KLHDC2: variants seen among roughly 807,000 people sequenced by gnomAD.
KLHDC2 encodes the protein kelch domain containing 2.
A neutral mutation model predicts 62.3 loss-of-function variants in KLHDC2; 38 were observed. The ratio of observed to expected loss-of-function variants is 0.61; its 90% confidence interval spans 0.47 to 0.80. The LOEUF (loss-of-function observed/expected upper bound fraction) is 0.80. KLHDC2 is among the 30% of genes least tolerant of loss of function. KLHDC2 has a pLI of 0.00. For missense variants in KLHDC2, 430 were observed against 495.3 expected (o/e 0.87, Z 1.25); for synonymous variants, 159 against 161.0 (o/e 0.99, Z 0.09).
Position 49,782,937 on chromosome 14 carries a change from A to G in KLHDC2, c.1205A>G (p.Asn402Ser). The G allele has an allele frequency of 6.2e-7, 1 of 1,613,416 alleles. No individual in the cohort carries two copies. Among genetic ancestry groups the G allele is most frequent in the Non-Finnish European group, 8.5e-7 (1 of 1,179,714 alleles). The stretch of plus-strand genomic sequence containing the variant: ...GTTAATCAGAGGTTTGGTAGTAACA[A>G]CACTTCTGGATCTTAAGGCTTCATA... ...HSVNQRFGSNNTSGS is the reference protein window; with the variant it reads ...HSVNQRFGSNSTSGS The change falls in exon 13 of 13, where the codon AAC becomes AGC. Residue 402 changes from asparagine (N) to serine (S), a missense_variant. Asn to Ser is a conservative substitution (Grantham distance 46). Transcript: ENST00000298307.
intron 4 of KLHDC2, 93 bp downstream of exon 4, chr14:49,778,047 C>A: frequency 1.1e-6 from 1 of 900,470 alleles, no homozygotes; most frequent in Non-Finnish European, 1.8e-6. Flanking sequence ...ACAGAACATA[C>A]CTCATAGGGC....
At chr14:49,775,002 C>G (rs1889741736) in intron 3 of KLHDC2, 1 of 267,014 alleles carries the variant, frequency 3.7e-6, no homozygotes, top group African/African-American at 2.3e-5. Flanking sequence ...AAAATGAAGA[C>G]AAGATGTAAT....
chr14:49,782,063 G>T, intron 10 of KLHDC2: 1 of 285,528 alleles, frequency 3.5e-6, no homozygotes. Context: ...TATGGAAGAA[G>T]AAGGCATATA....
intron 10 of KLHDC2, among the ~76,000 whole-genome samples, chr14:49,781,872 C>G (rs182144990): frequency 1.6e-3 from 248 of 152,290 alleles, no homozygotes; most frequent in African/African-American, 5.7e-3. Flanking sequence ...AGTCAAAATT[C>G]ATGTTCAAAG....
Position 49,782,402 on chromosome 14 carries a change from GAGAAGTAATTGTTTTTGGT to G in KLHDC2, c.990_1008del (p.Glu331AspfsTer19). 1 of 1,612,564 alleles carries G rather than the reference GAGAAGTAATTGTTTTTGGT, an allele frequency of 6.2e-7. No individual in the cohort carries two copies. The highest frequency in any genetic ancestry group is 8.5e-7 in the Non-Finnish European group (1 of 1,178,688). ...CACACAGCTTGTGCCAGCGATGAAG[GAGAAGTAATTGTTTTTGGT>G]GGATGTGCCAACAACTTGCTTGTCC... is the stretch of plus-strand genomic sequence containing the variant. On this transcript the variant is annotated frameshift_variant, in exon 11 of 13. Coordinates refer to ENST00000298307, the MANE Select transcript of KLHDC2 (RefSeq NM_014315.3). LOFTEE classifies it high-confidence loss of function.
chr14:49,770,117 G>A lies in KLHDC2; in HGVS notation c.154-1477G>A, dbSNP rs1399011483. 2.0e-5 allele frequency among the ~76,000 whole-genome samples: 3 copies of A among 152,224 alleles called. No individual in the cohort carries two copies. In the East Asian group the frequency reaches 5.8e-4, roughly 29 times the overall value. On this transcript the variant is annotated intron_variant, in intron 1 of 12. Transcript: ENST00000298307. ...GACAGCATGAGAGAATAAGACTTTGGGAGTGGGGCAGGGGAGGATTCTTAG... is the reference window on the plus strand; with the variant it reads ...GACAGCATGAGAGAATAAGACTTTGAGAGTGGGGCAGGGGAGGATTCTTAG...
chr14:49,771,110 A>G (rs577616069), intron 1 of KLHDC2, among the ~76,000 whole-genome samples: 5 of 151,776 alleles, frequency 3.3e-5, no homozygotes, highest in Admixed American at 2.6e-4. Context: ...GCACTTTGGG[A>G]GGCTGAGGTG....
At position 49,768,211 on chromosome 14, in the gene KLHDC2, T is replaced by G. The variant is rs1001548919; in HGVS notation, c.-258T>G. ...GACCGCTTCCCTGCAGTGCCCCGAGTCCCGGGCCCGCGCCGCCGCCGCCCG... is the reference window on the plus strand; with the variant it reads ...GACCGCTTCCCTGCAGTGCCCCGAGGCCCGGGCCCGCGCCGCCGCCGCCCG... On this transcript the variant is annotated 5_prime_UTR_variant, in exon 1 of 13. Coordinates refer to ENST00000298307, the MANE Select transcript of KLHDC2 (RefSeq NM_014315.3). The G allele has an allele frequency of 3.9e-5, 13 of 332,288 alleles. No individual in the cohort carries two copies. The Admixed American group carries it at 5.1e-4, about 13-fold the overall frequency. The allele number at this position is 332,288 out of a possible 1,614,324, so 20.6% of individuals were successfully genotyped here.
intron 1 of KLHDC2, among the ~76,000 whole-genome samples, chr14:49,769,285 C>T (rs1272500834): frequency 6.6e-6 from 1 of 152,210 alleles, no homozygotes; most frequent in East Asian, 1.9e-4. Context: ...CTCCGATCCC[C>T]TGGTTATAAA....
At chr14:49,778,350 G>A in intron 5 of KLHDC2, 61 bp from the exon 6 acceptor site, 4 of 1,324,904 alleles carry the variant, frequency 3.0e-6, no homozygotes, top group Middle Eastern at 2.0e-4. Flanking sequence ...TGGTAATCAG[G>A]CAGGCTGTCT....
At chr14:49,777,578 A>T (rs562555151) in intron 3 of KLHDC2, among the ~76,000 whole-genome samples, 7 of 147,188 alleles carry the variant, frequency 4.8e-5, no homozygotes, top group African/African-American at 1.7e-4. Context: ...GGCAAGAGAG[A>T]CCCTGTCTCT....
chr14:49,771,695 G>A, intron 2 of KLHDC2, 22 bp downstream of exon 2: 1 of 1,257,638 alleles, frequency 8.0e-7, no homozygotes, highest in Non-Finnish European at 1.2e-6. Flanking sequence ...TATTATAAGG[G>A]GGACTAAAAA....
At chr14:49,780,618 A>G (rs1594705502) in intron 9 of KLHDC2, 85 bp from the exon 10 acceptor site, 3 of 935,630 alleles carry the variant, frequency 3.2e-6, no homozygotes, top group East Asian at 4.8e-5. Flanking sequence ...CTCATGATCT[A>G]TTACCTTTCT....
Position 49,777,929 on chromosome 14 carries a change from C to T in KLHDC2, c.442C>T (p.Leu148Phe), listed in dbSNP as rs778374018. 3 of 1,609,630 alleles carry T rather than the reference C, an allele frequency of 1.9e-6. No homozygotes were observed. Among genetic ancestry groups the T allele is most frequent in the South Asian group, 2.2e-5 (2 of 90,794 alleles). The change falls in exon 4 of 13, where the codon CTT becomes TTT. Residue 148 changes from leucine (L) to phenylalanine (F), a missense_variant. By Grantham distance (22) the Leu-to-Phe change is conservative. Coordinates refer to ENST00000298307, the MANE Select transcript of KLHDC2 (RefSeq NM_014315.3). Reference sequence around the variant, plus strand: ...AATTCCTCCATCATCAAAGGACAAACTTGGTGTCTGGGTATATAAAAACAA... The same window carrying T: ...AATTCCTCCATCATCAAAGGACAAATTTGGTGTCTGGGTATATAAAAACAA... Reference protein sequence around the residue: ...QGIPPSSKDKLGVWVYKNKLI... With the variant: ...QGIPPSSKDKFGVWVYKNKLI...
intron 2 of KLHDC2, 108 bp downstream of exon 2, chr14:49,771,781 T>C: frequency 1.6e-6 from 1 of 615,572 alleles, no homozygotes. Context: ...CGCGGGCGGA[T>C]CTCTCGAGGT....
chr14:49,778,091 G>A, intron 4 of KLHDC2, 87 bp from the exon 5 acceptor site: 1 of 960,648 alleles, frequency 1.0e-6, no homozygotes, highest in South Asian at 1.4e-5. Context: ...ATACATGAAA[G>A]CATTTAACAC....
At position 49,779,533 on chromosome 14, in the gene KLHDC2, T is replaced by C. The variant is rs1327280134; in HGVS notation, c.634-62T>C. 5 of 1,243,416 alleles carry C rather than the reference T, an allele frequency of 4.0e-6. No individual in the cohort carries two copies. In the African/African-American group the frequency reaches 7.4e-5, roughly 18 times the overall value. 77.0% of individuals were successfully genotyped at this position (1,243,416 alleles called of 1,614,324 possible). On this transcript the variant is annotated intron_variant, in intron 6 of 12. Transcript: ENST00000298307. ...ACATATTCTTATCCCATATCCAGAG[T>C]AGACATAGGTATTTTCCCTGTTTAT...
rs757967378 is a variant in KLHDC2 at position 49,778,202 on chromosome 14, A to G, written c.492A>G (p.Gly164=). ...GGTTAATATTTTTTGGAGGGTATGG[A>G]TATTTGCCTGAAGATAAAGTATTGG... The part of the protein sequence containing the change: ...KNKLIFFGGY[G]YLPEDKVLGT... Residue 164 remains glycine, a synonymous_variant, in exon 5 of 13, where the codon GGA becomes GGG. Transcript: ENST00000298307. 5 of 1,607,844 alleles carry G rather than the reference A, an allele frequency of 3.1e-6. No homozygotes were observed. Among genetic ancestry groups the G allele is most frequent in the Non-Finnish European group, 4.2e-6 (5 of 1,177,030 alleles).
At chr14:49,773,470 A>C (rs1437240282) in intron 2 of KLHDC2, among the ~76,000 whole-genome samples, 1 of 150,604 alleles carries the variant, frequency 6.6e-6, no homozygotes, top group African/African-American at 2.4e-5. Flanking sequence ...CTGTAATCCT[A>C]GCACTTTGGG....
Sources: allele counts gnomAD v4.1 joint callset (sites outside exome capture counted in the v4.1 genomes callset), GRCh38; gene constraint gnomAD v4.1.1; transcripts MANE v1.5; gene names NCBI Gene and HGNC (gene_info 2026-07-23, HGNC 2026-07-21).